Variants in SH2D5 observed in about 807,000 individuals in gnomAD.
SH2D5 encodes SH2 domain-containing protein 5.
A neutral mutation model predicts 48.2 loss-of-function variants in SH2D5; 45 were observed. The ratio of observed to expected loss-of-function variants is 0.93; its 90% CI spans 0.73 to 1.20. SH2D5 has a LOEUF of 1.20. SH2D5 is among the 50% of genes most tolerant of loss of function. The pLI, the probability that SH2D5 is intolerant of heterozygous loss-of-function variation, is 0.00. For missense variants in SH2D5, 538 were observed against 584.1 expected, an observed-to-expected ratio of 0.92 and a Z score of 0.81; for synonymous variants, 230 against 249.8, an observed-to-expected ratio of 0.92 and a Z score of 0.75.
chr1:20,722,106 C>G (rs761082238), intron 9 of SH2D5, 111 bp from the exon 10 acceptor site: 39 of 979,084 alleles, frequency 4.0e-5, no homozygotes, highest in Non-Finnish European at 5.8e-5. Context: ...GGAACGGAGC[C>G]CAGAGGCTTC....
At chr1:20,722,672 G>C in intron 9 of SH2D5, 84 bp downstream of exon 9, 1 of 1,340,960 alleles carries the variant, frequency 7.5e-7, no homozygotes, top group East Asian at 2.9e-5. Context: ...GACCTCAGCA[G>C]TTAGAAAAGG....
chr1:20,727,839 C>G (rs2054832204), intron 2 of SH2D5, 119 bp downstream of exon 2: 1 of 960,730 alleles, frequency 1.0e-6, no homozygotes, highest in Non-Finnish European at 1.6e-6. Context: ...CTCCCCAGCC[C>G]AAGTCAGGCA....
chr1:20,727,712 G>GTGGACAGACAGAGCTC, intron 2 of SH2D5, 109 bp from the exon 3 acceptor site: 1 of 1,103,018 alleles, frequency 9.1e-7, no homozygotes. Context: ...AGGCGTGTCT[G>GTGGACAGACAGAGCTC]TGGACAGACA....
chr1:20,723,683 A>C lies in SH2D5; in HGVS notation c.851T>G (p.Leu284Arg). 4 of 1,613,112 alleles carry C rather than the reference A, an allele frequency of 2.5e-6. No homozygotes were observed. The highest frequency in any genetic ancestry group is 3.4e-6 in the Non-Finnish European group (4 of 1,179,984). The change falls in exon 8 of 10, where the codon CTG becomes CGG. Residue 284 changes from leucine (L) to arginine (R), a missense_variant. By Grantham distance (102) the Leu-to-Arg change is moderately radical (BLOSUM62 -2). Transcript: ENST00000444387. ...CGTCAGGCTGCCCTCGCTCTCCACC[A>C]GGCACGAGTGGCCACCAGGACCCCG... is the stretch of plus-strand genomic sequence containing the variant. Reference protein sequence around the residue: ...WPRGPGGHSCLVESEGSLTEN... With the variant: ...WPRGPGGHSCRVESEGSLTEN...
intron 8 of SH2D5, 107 bp downstream of exon 8, chr1:20,723,519 A>C (rs1221429394): frequency 3.8e-6 from 3 of 797,342 alleles, no homozygotes; most frequent in Non-Finnish European, 6.1e-6. Flanking sequence ...TGAGGTTGGG[A>C]GCGCTCTGCC....
In SH2D5 at chr1:20,728,023, C is replaced by A; in HGVS notation, c.22G>T (p.Gly8Cys). The A allele has an allele frequency of 5.8e-6, 9 of 1,554,118 alleles. No homozygotes were observed. Among genetic ancestry groups the A allele is most frequent in the Non-Finnish European group, 7.8e-6 (9 of 1,150,098 alleles). MQKAGAG[G>C]RRASDCGLAP... ...AGCCCGCAGTCAGAGGCCCTGCGGC[C>A]CCCAGCCCCCGCCTTCTGCATGGCC... The change falls in exon 2 of 10, where the codon GGC (glycine) becomes TGC (cysteine). Residue 8 changes from glycine to cysteine, a missense_variant. Physicochemically the swap from Gly to Cys is radical, Grantham distance 159. Coordinates refer to ENST00000444387, the MANE Select transcript of SH2D5 (RefSeq NM_001103161.2). The surrounding 1 kb of genome is among the most constrained non-coding windows in gnomAD (Gnocchi z 4.3).
At position 20,722,784 on chromosome 1, in the gene SH2D5, C is replaced by T. The variant is rs758835426; in HGVS notation, c.1040G>A (p.Arg347Gln). The T allele has an allele frequency of 2.0e-5, 32 of 1,567,296 alleles. No individual in the cohort carries two copies. The highest frequency in any genetic ancestry group is 1.9e-4 in the East Asian group (8 of 41,982). ...QCGVVPHQVFRNHLGRYCLEH... is the reference protein window; with the variant it reads ...QCGVVPHQVFQNHLGRYCLEH... ...CAAGCAGTAGCGGCCCAGGTGGTTC[C>T]GGAAGACCTGGTGGGGCACCACGCC... Residue 347 changes from arginine (R) to glutamine (Q), a missense_variant, in exon 9 of 10, where the codon CGG becomes CAG. Transcript: ENST00000444387.
rs2154538676 is a variant in SH2D5, at chr1:20,728,919, C to T, written c.-42-833G>A. Among the ~76,000 whole-genome samples, 1 of 152,240 alleles carries T rather than the reference C, an allele frequency of 6.6e-6. No homozygotes were observed. The highest frequency in any genetic ancestry group is 2.1e-4 in the South Asian group (1 of 4,822). ...ACAGACCCCAGCCCCTTCCTGAACC[C>T]CCCAACCCCTTGCAGATCATGAAAA... On this transcript the variant is annotated intron_variant, in intron 1 of 9. Transcript: ENST00000444387. The surrounding 1 kb of genome is among the most constrained non-coding windows in gnomAD (Gnocchi z 4.3).
At chr1:20,725,686 T>C (rs1266233945) in intron 5 of SH2D5, among the ~76,000 whole-genome samples, 1 of 152,152 alleles carries the variant, frequency 6.6e-6, no homozygotes, top group African/African-American at 2.4e-5. Context: ...GACTCTCCAC[T>C]CTCTAAGCGC....
rs775172865 is a variant in SH2D5, at chr1:20,721,858, C to A, written c.1206G>T (p.Arg402Ser). ...YEEQDCGPPG[R>S]PPRTLRPLSH... The stretch of plus-strand genomic sequence containing the variant: ...TGAGGGGCCGGAGAGTCCGGGGCGG[C>A]CTGCCTGGGGGCCCACAGTCCTGCT... The change falls in exon 10 of 10, where the codon AGG becomes AGT. Residue 402 changes from arginine to serine, a missense_variant. Physicochemically the swap from Arg to Ser is moderately radical, Grantham distance 110. Transcript: ENST00000444387. 4 of 1,612,320 alleles carry A rather than the reference C, an allele frequency of 2.5e-6. No individual in the cohort carries two copies. Among genetic ancestry groups the A allele is most frequent in the Admixed American group, 1.7e-5 (1 of 59,942 alleles).
intron 6 of SH2D5, 58 bp downstream of exon 6, chr1:20,724,338 C>T: frequency 6.2e-7 from 1 of 1,602,628 alleles, no homozygotes; most frequent in Non-Finnish European, 8.5e-7. Context: ...ACATGCCCCC[C>T]AAACCCATAC....
chr1:20,724,141 C>T lies in SH2D5; in HGVS notation c.741G>A (p.Ser247=), dbSNP rs763912334. The part of the protein sequence containing the change: ...KKAIRSKVIR[S]GAYRGCTYET... Reference sequence around the variant, plus strand: ...CATAGGTGCAGCCGCGGTAGGCCCCCGAGCGGATCACCTTGCTGCGAATGG... The same window carrying T: ...CATAGGTGCAGCCGCGGTAGGCCCCTGAGCGGATCACCTTGCTGCGAATGG... Residue 247 remains serine, a synonymous_variant, in exon 7 of 10, where the codon TCG becomes TCA. Coordinates refer to ENST00000444387, the MANE Select transcript of SH2D5 (RefSeq NM_001103161.2). 14 of 1,612,926 alleles carry T rather than the reference C, an allele frequency of 8.7e-6. No individual in the cohort carries two copies. Among genetic ancestry groups the T allele is most frequent in the African/African-American group, 6.7e-5 (5 of 74,944 alleles).
Position 20,728,602 on chromosome 1 carries a change from G to C in SH2D5, c.-42-516C>G, listed in dbSNP as rs549648268. On this transcript the variant is annotated intron_variant, in intron 1 of 9. Coordinates refer to ENST00000444387, the MANE Select transcript of SH2D5 (RefSeq NM_001103161.2). This position sits in a 1 kb window ranked among gnomAD's most constrained non-coding sequence, Gnocchi z 4.3. ...GGCCACCTGAGAGGGCGCCATCAAAGAGAAGGGCAGTGACAGCGGCAGAAA... is the reference window on the plus strand; with the variant it reads ...GGCCACCTGAGAGGGCGCCATCAAACAGAAGGGCAGTGACAGCGGCAGAAA... Among the ~76,000 whole-genome samples, 3 of 152,334 alleles carry C rather than the reference G, an allele frequency of 2.0e-5. No homozygotes were observed. Among genetic ancestry groups the C allele is most frequent in the African/African-American group, 7.2e-5 (3 of 41,574 alleles).
At chr1:20,722,941 A>G (rs959856623) in intron 8 of SH2D5, 26 bp from the exon 9 acceptor site, 4 of 1,521,672 alleles carry the variant, frequency 2.6e-6, no homozygotes, top group Non-Finnish European at 3.5e-6. Context: ...GGAGAGAGTA[A>G]AGGCTGGACT....
chr1:20,724,417 T>C lies in SH2D5; in HGVS notation c.609A>G (p.Ala203=), dbSNP rs373793224. 8.1e-6 allele frequency: 13 copies of C among 1,612,782 alleles called. No homozygotes were observed. The highest frequency in any genetic ancestry group is 6.8e-6 in the Non-Finnish European group (8 of 1,180,000). The change falls in exon 6 of 10, where the codon GCA becomes GCG. Residue 203 remains alanine (A), a synonymous_variant. Coordinates refer to ENST00000444387, the MANE Select transcript of SH2D5 (RefSeq NM_001103161.2). ...GTACCCCACTGCCCACCAGCCCCTC[T>C]GCTGGCAGCCGCCGAAAGGAGACCA... ...HALVSFRRLP[A]EGLVGSGKEL... is the part of the protein sequence containing the mutation.
At chr1:20,731,903 G>A (rs921945548) in intron 1 of SH2D5, among the ~76,000 whole-genome samples, 21 of 152,000 alleles carry the variant, frequency 1.4e-4, no homozygotes, top group African/African-American at 5.1e-4. Flanking sequence ...GGCAGATGAC[G>A]ACGGAGCGGG....
chr1:20,724,709 C>T, intron 5 of SH2D5, 74 bp from the exon 6 acceptor site: 1 of 1,442,426 alleles, frequency 6.9e-7, no homozygotes, highest in East Asian at 2.5e-5. Flanking sequence ...GGGCCTCAGC[C>T]CACTCACCAT....
chr1:20,721,987 C>G lies in SH2D5; in HGVS notation c.1077G>C (p.Pro359=). 1.2e-6 allele frequency: 2 copies of G among 1,612,654 alleles called. No homozygotes were observed. Among genetic ancestry groups the G allele is most frequent in the South Asian group, 2.2e-5 (2 of 91,034 alleles). The part of the protein sequence containing the change: ...HLGRYCLEHL[P]AEFPSLEALV... ...GAGCCTCCAGGCTGGGGAACTCTGC[C>G]GGCAGGTGCTAGGGGAGGAAGGGAC... is the stretch of plus-strand genomic sequence containing the variant. The change falls in exon 10 of 10, where the codon CCG becomes CCC. Residue 359 remains proline (P), a synonymous_variant. Transcript: ENST00000444387.
chr1:20,722,945 C>A, intron 8 of SH2D5, 30 bp from the exon 9 acceptor site: 3 of 1,505,344 alleles, frequency 2.0e-6, no homozygotes, highest in Middle Eastern at 1.8e-4. Context: ...AGAGTAAAGG[C>A]TGGACTGCTC....
Sources: gnomAD v4.1 joint callset for allele counts (sites outside exome capture counted in the v4.1 genomes callset) on GRCh38, gnomAD v4.1.1 for gene constraint, Gnocchi (gnomAD v3.1) non-coding constraint, MANE v1.5 for transcripts, NCBI Gene and HGNC (gene_info 2026-07-23, HGNC 2026-07-21) for gene names.